SNX18: variants seen among roughly 807,000 people sequenced by gnomAD.
The protein encoded by SNX18 is sorting nexin 18.
Under a neutral mutation model 48.7 loss-of-function variants are expected in SNX18, and 35 were observed. The ratio of observed to expected loss-of-function variants is 0.72; its 90% confidence interval spans 0.55 to 0.95. The LOEUF is 0.95. Ranked by LOEUF, SNX18 falls within the 40% of genes least tolerant of loss-of-function variation. SNX18 has a pLI of 0.00. For missense variants in SNX18, 824 were observed against 871.0 expected, an observed-to-expected ratio of 0.95 and a Z score of 0.68; for synonymous variants, 492 against 384.7, an observed-to-expected ratio of 1.28 and a Z score of -3.26.
At chr5:54,535,601 G>T (rs1343399215) in intron 1 of SNX18, among the ~76,000 whole-genome samples, 2 of 152,140 alleles carry the variant, frequency 1.3e-5, no homozygotes, top group Non-Finnish European at 2.9e-5. Flanking sequence ...GAGGGTAATA[G>T]GTCTCCTGAA....
the SNX18 span, among the ~76,000 whole-genome samples, chr5:54,589,620 C>T: frequency 6.6e-6 from 1 of 152,180 alleles, no homozygotes; most frequent in African/African-American, 2.4e-5. Context: ...GCACCTAAAG[C>T]CAAACTCTAT....
chr5:54,562,154 C>G, the SNX18 span, among the ~76,000 whole-genome samples: 1 of 152,202 alleles, frequency 6.6e-6, no homozygotes, highest in Non-Finnish European at 1.5e-5. Flanking sequence ...TCAGACAGCT[C>G]TTTGCGGGCG....
At chr5:54,616,820 G>A in the SNX18 span, among the ~76,000 whole-genome samples, 1 of 152,078 alleles carries the variant, frequency 6.6e-6, no homozygotes, top group South Asian at 2.1e-4. Context: ...CACAATGTCA[G>A]ATCTCCCTTC....
At chr5:54,618,715 A>C in the SNX18 span, among the ~76,000 whole-genome samples, 1 of 152,212 alleles carries the variant, frequency 6.6e-6, no homozygotes, top group African/African-American at 2.4e-5. Context: ...CCAAATGTTT[A>C]AACTTTGTAT....
At chr5:54,606,583 G>A in the SNX18 span, among the ~76,000 whole-genome samples, 625 of 152,258 alleles carry the variant, frequency 4.1e-3, 4 homozygotes, top group Middle Eastern at 0.02. Context: ...AGAGTGTCCT[G>A]TAATCTGAAT....
rs374497194 is a variant in SNX18 at position 54,518,780 on chromosome 5, C to T, written c.828C>T (p.Phe276=). Residue 276 remains phenylalanine (F), a synonymous_variant, in exon 1 of 2, where the codon TTC becomes TTT. Transcript: ENST00000381410. ...AGTGGCAGGAGAACCCCTACCCGTT[C>T]CAGTGCACCATCGACGACCCCACCA... The part of the protein sequence containing the change: ...GPEWQENPYP[F]QCTIDDPTKQ... The T allele has an allele frequency of 6.2e-7, 1 of 1,606,108 alleles. No homozygotes were observed. Among genetic ancestry groups the T allele is most frequent in the Non-Finnish European group, 8.5e-7 (1 of 1,175,660 alleles).
In SNX18 at chr5:54,531,224, A is replaced by T. The variant is rs538775204; in HGVS notation, c.1621+11651A>T. On this transcript the variant is annotated intron_variant, in intron 1 of 1. Coordinates refer to ENST00000381410, the MANE Select transcript of SNX18 (RefSeq NM_001102575.2). ...TTGGAAAGGAACAGGTGAACTCGAG[A>T]CACCTGCCAGGTATCATGGCAGGAC... Among the ~76,000 whole-genome samples, 15 of 152,148 alleles carry T rather than the reference A, an allele frequency of 9.9e-5. No homozygotes were observed. The South Asian group carries it at 2.9e-3, about 29-fold the overall frequency.
the SNX18 span, chr5:54,643,908 G>T: frequency 6.6e-6 from 1 of 152,246 alleles, no homozygotes; most frequent in African/African-American, 2.4e-5. Context: ...CAAAGAGCCA[G>T]GGAAAAAACG....
At chr5:54,620,511 G>A in the SNX18 span, among the ~76,000 whole-genome samples, 1 of 152,210 alleles carries the variant, frequency 6.6e-6, no homozygotes. Flanking sequence ...AAGGCAGAGA[G>A]TATTGGAGCC....
the SNX18 span, chr5:54,645,454 GGAGT>G: frequency 6.6e-6 from 1 of 152,214 alleles, no homozygotes; most frequent in African/African-American, 2.4e-5. Context: ...CCTGGGCTAG[GGAGT>G]AAGTTAGAGA....
chr5:54,556,321 G>C, the SNX18 span, among the ~76,000 whole-genome samples: 1 of 152,160 alleles, frequency 6.6e-6, no homozygotes, highest in Non-Finnish European at 1.5e-5. Context: ...GCATCGGCCG[G>C]GCTGCATTCC....
chr5:54,538,716 A>G (rs1762404209), intron 1 of SNX18, among the ~76,000 whole-genome samples: 1 of 152,248 alleles, frequency 6.6e-6, no homozygotes, highest in African/African-American at 2.4e-5. Context: ...GTCATTCTGA[A>G]CATTAACAGC....
the SNX18 span, among the ~76,000 whole-genome samples, chr5:54,598,447 C>T: frequency 6.6e-6 from 1 of 152,170 alleles, no homozygotes; most frequent in Admixed American, 6.5e-5. Flanking sequence ...AACTTCAGGC[C>T]AATATCCCTG....
At chr5:54,575,198 G>C in the SNX18 span, among the ~76,000 whole-genome samples, 1 of 152,014 alleles carries the variant, frequency 6.6e-6, no homozygotes, top group South Asian at 2.1e-4. Context: ...GAGGAGTCCA[G>C]CTACCCCAAA....
At chr5:54,572,774 ATTTTTTTTTTTTTTTTTTTT>A in the SNX18 span, among the ~76,000 whole-genome samples, 4 of 38,410 alleles carry the variant, frequency 1.0e-4, no homozygotes, top group African/African-American at 4.0e-4. Context: ...ATATATATAT[ATTTTTTTTTTTTTTTTTTTT>A]TTTTTTTTTT....
At chr5:54,625,624 T>C in the SNX18 span, among the ~76,000 whole-genome samples, 1 of 152,174 alleles carries the variant, frequency 6.6e-6, no homozygotes, top group Non-Finnish European at 1.5e-5. Context: ...CTGTATTCTA[T>C]TTATTAGAAA....
Position 54,518,800 on chromosome 5 carries a change from C to G in SNX18, c.848C>G (p.Pro283Arg). 1 of 1,604,964 alleles carries G rather than the reference C, an allele frequency of 6.2e-7. No individual in the cohort carries two copies. Among genetic ancestry groups the G allele is most frequent in the Non-Finnish European group, 8.5e-7 (1 of 1,175,118 alleles). Reference sequence around the variant, plus strand: ...CCGTTCCAGTGCACCATCGACGACCCCACCAAGCAGACCAAGTTCAAGGGC... The same window carrying G: ...CCGTTCCAGTGCACCATCGACGACCGCACCAAGCAGACCAAGTTCAAGGGC... ...PYPFQCTIDD[P>R]TKQTKFKGMK... Residue 283 changes from proline (P) to arginine (R), a missense_variant, in exon 1 of 2, where the codon CCC (proline) becomes CGC (arginine). Coordinates refer to ENST00000381410, the MANE Select transcript of SNX18 (RefSeq NM_001102575.2).
At chr5:54,519,837 T>A (rs779733826) in intron 1 of SNX18, 86 of 1,594,308 alleles carry the variant, frequency 5.4e-5, no homozygotes, top group Non-Finnish European at 7.4e-5. Context: ...GCTATCATTT[T>A]AGAGTTTGAA....
At chr5:54,524,183 C>T (rs1010458917) in intron 1 of SNX18, among the ~76,000 whole-genome samples, 2 of 152,136 alleles carry the variant, frequency 1.3e-5, no homozygotes, top group South Asian at 2.1e-4. Context: ...ATAAGGTGAC[C>T]GTTGGTGCTT....
Sources: allele counts gnomAD v4.1 joint callset (sites outside exome capture counted in the v4.1 genomes callset), GRCh38; gene constraint gnomAD v4.1.1; transcripts MANE v1.5; gene names NCBI Gene and HGNC (gene_info 2026-07-23, HGNC 2026-07-21).